HOMER2: variants seen among roughly 807,000 people sequenced by gnomAD.
HOMER2 encodes homer scaffold protein 2, also known as homer protein homolog 2.
Under a neutral mutation model 47.0 loss-of-function variants are expected in HOMER2, and 27 were observed. That is an observed-to-expected ratio of 0.57 (90% CI 0.42 to 0.79). The LOEUF is 0.79. Ranked by LOEUF, HOMER2 falls within the 30% of genes least tolerant of loss-of-function variation. HOMER2 has a pLI of 0.00. For synonymous variants in HOMER2, 161 were observed against 163.8 expected (o/e 0.98, Z 0.13); for missense variants, 443 against 435.0 (o/e 1.02, Z -0.16).
At chr15:82,892,631 C>G (rs1188511777) in intron 2 of HOMER2, 54 bp downstream of exon 2, 1 of 1,393,948 alleles carries the variant, frequency 7.2e-7, no homozygotes, top group Non-Finnish European at 9.5e-7. Flanking sequence ...TTGGGTGCAT[C>G]TTGGATGAAA....
chr15:82,857,474 C>T (rs1373491466), intron 5 of HOMER2, among the ~76,000 whole-genome samples: 15 of 134,914 alleles, frequency 1.1e-4, no homozygotes, highest in African/African-American at 3.1e-4. Flanking sequence ...TCTGTCGACC[C>T]GGCTGGAGTG....
upstream of HOMER2, among the ~76,000 whole-genome samples, chr15:82,954,795 G>A (rs1019791317): frequency 2.0e-5 from 3 of 151,936 alleles, no homozygotes; most frequent in Non-Finnish European, 4.4e-5. Context: ...TGTTGTTGTT[G>A]TTGAGACAGA....
upstream of HOMER2, among the ~76,000 whole-genome samples, chr15:82,955,390 C>T (rs1244904280): frequency 1.3e-5 from 2 of 151,690 alleles, no homozygotes; most frequent in East Asian, 3.9e-4. Context: ...AGGATGGTCT[C>T]GATCTCCAGA....
At chr15:82,893,228 T>C (rs1376136346) in intron 1 of HOMER2, among the ~76,000 whole-genome samples, 3 of 152,190 alleles carry the variant, frequency 2.0e-5, no homozygotes, top group Non-Finnish European at 2.9e-5. Context: ...TGGGGGATTC[T>C]GCAACAATTT....
intron 1 of HOMER2, among the ~76,000 whole-genome samples, chr15:82,899,666 G>T (rs1430531602): frequency 6.6e-6 from 1 of 152,124 alleles, no homozygotes; most frequent in Non-Finnish European, 1.5e-5. Flanking sequence ...AGGTGGCTAG[G>T]TATAAAATCA....
At chr15:82,866,058 C>T (rs1850675898) in intron 3 of HOMER2, among the ~76,000 whole-genome samples, 1 of 152,140 alleles carries the variant, frequency 6.6e-6, no homozygotes, top group Admixed American at 6.5e-5. Context: ...AATAGTAGAT[C>T]AACTGACAGT....
intron 8 of HOMER2, 59 bp from the exon 9 acceptor site, chr15:82,849,962 A>C: frequency 6.5e-7 from 1 of 1,541,578 alleles, no homozygotes. Context: ...CATCCTTCAA[A>C]ACCTGCTACA....
intron 5 of HOMER2, among the ~76,000 whole-genome samples, chr15:82,856,410 GT>G (rs1407564088): frequency 1.3e-5 from 2 of 152,052 alleles, no homozygotes; most frequent in African/African-American, 2.4e-5. Context: ...AAGCCCAGGA[GT>G]TTGGGACCAG....
At chr15:82,982,724 T>A (rs796306998) in intron 1 of HOMER2, among the ~76,000 whole-genome samples, 1 of 152,170 alleles carries the variant, frequency 6.6e-6, no homozygotes, top group African/African-American at 2.4e-5. Context: ...ATAATGTCAA[T>A]AATAGTCACA....
chr15:82,981,023 G>C (rs1048751834), intron 1 of HOMER2, among the ~76,000 whole-genome samples: 3 of 152,198 alleles, frequency 2.0e-5, no homozygotes, highest in Admixed American at 1.3e-4. Flanking sequence ...TGAGACTGAA[G>C]AAATTTGAGC....
chr15:82,873,205 C>G (rs1056895798), intron 3 of HOMER2, among the ~76,000 whole-genome samples: 17 of 152,194 alleles, frequency 1.1e-4, no homozygotes, highest in Admixed American at 1.1e-3. Context: ...CGCCAAGCAT[C>G]ACACCTCTAG....
chr15:82,974,796 G>A (rs571656071), intron 1 of HOMER2, among the ~76,000 whole-genome samples: 4 of 152,110 alleles, frequency 2.6e-5, no homozygotes, highest in South Asian at 2.1e-4. Context: ...CAGGCCAGGC[G>A]TGGTGGCTCA....
chr15:82,859,973 C>A (rs571046916), intron 4 of HOMER2, among the ~76,000 whole-genome samples: 5 of 152,064 alleles, frequency 3.3e-5, no homozygotes, highest in Admixed American at 2.6e-4. Flanking sequence ...GTCGGCCGGG[C>A]GCGGTGGCTC....
intron 3 of HOMER2, among the ~76,000 whole-genome samples, chr15:82,872,442 G>A (rs1048058364): frequency 6.6e-6 from 1 of 152,094 alleles, no homozygotes; most frequent in Non-Finnish European, 1.5e-5. Context: ...CCCTTCATCA[G>A]TTCTACCCTG....
At chr15:82,860,377 G>T (rs571058849) in intron 4 of HOMER2, among the ~76,000 whole-genome samples, 1 of 151,944 alleles carries the variant, frequency 6.6e-6, no homozygotes, top group Non-Finnish European at 1.5e-5. Flanking sequence ...TGGTGGGGGG[G>T]AGCAAATGAG....
upstream of HOMER2, among the ~76,000 whole-genome samples, chr15:82,956,096 C>T (rs1054025516): frequency 6.6e-6 from 1 of 151,946 alleles, no homozygotes; most frequent in South Asian, 2.1e-4. Flanking sequence ...AAAACCTAGC[C>T]AGGCATGGTG....
intron 1 of HOMER2, chr15:82,898,349 AG>A (rs1374083543): frequency 2.0e-5 from 3 of 152,132 alleles, no homozygotes; most frequent in Non-Finnish European, 4.4e-5. Context: ...CCTTCCCAGC[AG>A]GGAAAAGCTG....
upstream of HOMER2, among the ~76,000 whole-genome samples, chr15:82,955,155 C>CTTTCTT (rs933979397): frequency 6.7e-6 from 1 of 150,012 alleles, no homozygotes; most frequent in African/African-American, 2.5e-5. Context: ...CGTATTTTTA[C>CTTTCTT]TTTCTTTTTC....
intron 4 of HOMER2, among the ~76,000 whole-genome samples, chr15:82,860,372 G>C (rs369415850): frequency 6.6e-6 from 1 of 151,862 alleles, no homozygotes; most frequent in African/African-American, 2.4e-5. Flanking sequence ...AAATATGGTG[G>C]GGGGGAGCAA....
Sources: allele counts gnomAD v4.1 joint callset (sites outside exome capture counted in the v4.1 genomes callset), GRCh38; gene constraint gnomAD v4.1.1; transcripts MANE v1.5; gene names NCBI Gene and HGNC (gene_info 2026-07-23, HGNC 2026-07-21).